Variants in NBAS observed in about 807,000 individuals in gnomAD.
NBAS encodes the protein NAG/BC035112 fusion.
In NBAS, 219 loss-of-function variants were observed where a neutral mutation model predicts 302.5. The ratio of observed to expected loss-of-function variants is 0.72; its 90% CI spans 0.65 to 0.81. The LOEUF is 0.81. NBAS is among the 30% of genes least tolerant of loss of function. The pLI, the probability that NBAS is intolerant of heterozygous loss-of-function variation, is 0.00. For synonymous variants in NBAS, 1,118 were observed against 1,021.6 expected, an observed-to-expected ratio of 1.09 and a Z score of -1.80; for missense variants, 2,932 against 2,841.6, an observed-to-expected ratio of 1.03 and a Z score of -0.72.
At chr2:15,240,576 C>T (rs79832989) in intron 44 of NBAS, among the ~76,000 whole-genome samples, 4,030 of 152,036 alleles carry the variant, frequency 0.027, 108 homozygotes, top group East Asian at 0.13. Flanking sequence ...GAGATCGCAC[C>T]GCTGCACTCC....
chr2:15,537,281 AG>A (rs929056340), intron 7 of NBAS, among the ~76,000 whole-genome samples: 1 of 152,238 alleles, frequency 6.6e-6, no homozygotes, highest in African/African-American at 2.4e-5. Flanking sequence ...CCTCAGTACC[AG>A]GAGGAGGAGA....
the NBAS span, among the ~76,000 whole-genome samples, chr2:14,858,577 G>A: frequency 3.3e-5 from 5 of 151,962 alleles, 1 homozygote; most frequent in South Asian, 6.2e-4. Flanking sequence ...GACAAACTTC[G>A]CATCAACTCA....
rs1001926879 is a variant in NBAS, at chr2:15,327,646, A to T, written c.4582+104T>A. 1.4e-5 allele frequency: 19 copies of T among 1,377,178 alleles called. 1 individual carries two copies. Among genetic ancestry groups the T allele is most frequent in the Non-Finnish European group, 1.8e-5 (18 of 979,648 alleles). The allele number at this position is 1,377,178 out of a possible 1,614,324, so 85.3% of individuals were successfully genotyped here. On this transcript the variant is annotated intron_variant, in intron 38 of 51. Transcript: ENST00000281513. ...ATGTCAAGTTATGCAATTCAAAATT[A>T]CTGAAAAATTTCTTTTCCAAACTCT... is the stretch of plus-strand genomic sequence containing the variant.
At chr2:14,788,717 T>C in the NBAS span, among the ~76,000 whole-genome samples, 6 of 152,088 alleles carry the variant, frequency 3.9e-5, no homozygotes, top group African/African-American at 1.4e-4. Context: ...CCGTGTGAGG[T>C]GTGAGGTGTC....
Position 15,172,372 on chromosome 2 carries a change from T to C in NBAS, c.6841-5049A>G, listed in dbSNP as rs138799530. 2.5e-3 allele frequency among the ~76,000 whole-genome samples: 374 copies of C among 152,360 alleles called. 3 individuals carry two copies. Among genetic ancestry groups the C allele is most frequent in the African/African-American group, 8.4e-3 (350 of 41,590 alleles). ...ACTCTTTCACATGTGAAGGATTCTC[T>C]GTATAACTGAAATCTTAACCCTGAT... On this transcript the variant is annotated intron_variant, in intron 51 of 51. Transcript: ENST00000281513.
chr2:15,141,883 G>A, the NBAS span, among the ~76,000 whole-genome samples: 6 of 152,196 alleles, frequency 3.9e-5, no homozygotes, highest in Non-Finnish European at 5.9e-5. Context: ...CTCAGCAGAT[G>A]TTATTATGTC....
chr2:14,898,773 C>T, the NBAS span, among the ~76,000 whole-genome samples: 1 of 152,190 alleles, frequency 6.6e-6, no homozygotes, highest in East Asian at 1.9e-4. Context: ...GCTTCCCCAG[C>T]CATGTGGAAC....
chr2:15,374,521 CT>C, intron 31 of NBAS, 86 bp downstream of exon 31: 1 of 1,117,066 alleles, frequency 9.0e-7, no homozygotes, highest in Non-Finnish European at 1.4e-6. Context: ...ACCAAAGCTA[CT>C]CTTTAGTTTT....
intron 38 of NBAS, among the ~76,000 whole-genome samples, chr2:15,309,655 G>C (rs192443748): frequency 3.9e-5 from 6 of 152,286 alleles, no homozygotes; most frequent in Non-Finnish European, 8.8e-5. Context: ...AGCTTTAGGA[G>C]TGCAAATTTA....
the NBAS span, among the ~76,000 whole-genome samples, chr2:14,817,680 A>C: frequency 3.3e-5 from 5 of 152,198 alleles, no homozygotes; most frequent in African/African-American, 1.2e-4. Flanking sequence ...TATACCTATA[A>C]ATATATTCTT....
At chr2:15,162,159 C>T (rs1663914891), downstream of NBAS, among the ~76,000 whole-genome samples, 1 of 152,230 alleles carries the variant, frequency 6.6e-6, no homozygotes, top group Non-Finnish European at 1.5e-5. Context: ...AGACCCCTGA[C>T]TCCAATCCAG....
At chr2:15,116,186 C>G in the NBAS span, among the ~76,000 whole-genome samples, 16 of 152,194 alleles carry the variant, frequency 1.1e-4, no homozygotes, top group South Asian at 8.3e-4. Flanking sequence ...GTTTGCTCTT[C>G]GTTGATGGGG....
the NBAS span, among the ~76,000 whole-genome samples, chr2:15,110,259 C>T: frequency 7.3e-4 from 111 of 152,176 alleles, no homozygotes; most frequent in Non-Finnish European, 1.5e-3. Flanking sequence ...TGAAAGTCTA[C>T]ACAGTAGGTA....
chr2:15,039,885 G>A, the NBAS span, among the ~76,000 whole-genome samples: 134 of 152,312 alleles, frequency 8.8e-4, no homozygotes, highest in South Asian at 3.5e-3. Context: ...AGGTGAGGGG[G>A]TGGGGATGTC....
intron 21 of NBAS, among the ~76,000 whole-genome samples, chr2:15,430,842 G>C (rs1572838979): frequency 6.6e-6 from 1 of 151,696 alleles, no homozygotes; most frequent in Non-Finnish European, 1.5e-5. Context: ...AGTCTCGCTC[G>C]GTCGCCCAGT....
At chr2:15,344,533 CA>C (rs1484255512) in intron 35 of NBAS, among the ~76,000 whole-genome samples, 3 of 151,880 alleles carry the variant, frequency 2.0e-5, no homozygotes, top group Non-Finnish European at 4.4e-5. Flanking sequence ...GGCTACCAAC[CA>C]AAAAAAGCCC....
intron 21 of NBAS, among the ~76,000 whole-genome samples, 188 bp from the exon 22 acceptor site, chr2:15,427,982 C>T (rs927741535): frequency 6.6e-6 from 1 of 152,048 alleles, no homozygotes; most frequent in African/African-American, 2.4e-5. Flanking sequence ...ATTGCTGAAT[C>T]ATAAAATGGC....
chr2:15,444,069 C>T (rs1429524651), intron 21 of NBAS, among the ~76,000 whole-genome samples: 1 of 151,654 alleles, frequency 6.6e-6, no homozygotes, highest in Non-Finnish European at 1.5e-5. Flanking sequence ...GTGAAAATGG[C>T]CATACTGCCC....
chr2:15,401,216 A>G (rs1408608623), intron 26 of NBAS, among the ~76,000 whole-genome samples: 1 of 152,142 alleles, frequency 6.6e-6, no homozygotes. Flanking sequence ...ACCTGATTTC[A>G]GTACCACTAA....
Sources: gnomAD v4.1 joint callset for allele counts (sites outside exome capture counted in the v4.1 genomes callset) on GRCh38, gnomAD v4.1.1 for gene constraint, MANE v1.5 for transcripts, NCBI Gene and HGNC (gene_info 2026-07-23, HGNC 2026-07-21) for gene names.